The following C14orf132 variants were observed in gnomAD, a reference collection of about 807,000 sequenced individuals.
The protein encoded by C14orf132 is uncharacterized protein C14orf132.
In C14orf132, 6 loss-of-function variants were observed where a neutral mutation model predicts 5.8. The observed-to-expected ratio is 1.03, with a 90% CI of 0.57 to 2.04. The LOEUF (loss-of-function observed/expected upper bound fraction) is 2.04. C14orf132 is among the 30% of genes most tolerant of loss of function. The pLI is 0.00. For missense variants in C14orf132, 125 were observed against 115.8 expected (o/e 1.08, Z -0.37); for synonymous variants, 51 against 49.8 (o/e 1.02, Z -0.10).
chr14:96,064,856 A>T (rs1030726148), intron 1 of C14orf132, among the ~76,000 whole-genome samples: 10 of 152,126 alleles, frequency 6.6e-5, no homozygotes, highest in African/African-American at 2.4e-4. Flanking sequence ...TAAAAAAGTC[A>T]CGTCCTCATC....
chr14:96,049,409 C>T (rs1293324939), intron 1 of C14orf132, among the ~76,000 whole-genome samples: 3 of 149,068 alleles, frequency 2.0e-5, no homozygotes, highest in Middle Eastern at 3.2e-3. Context: ...GGCTTGATCT[C>T]GGCTCACTGC....
chr14:96,080,841 T>C (rs1391448885), intron 1 of C14orf132, among the ~76,000 whole-genome samples: 1 of 152,186 alleles, frequency 6.6e-6, no homozygotes, highest in African/African-American at 2.4e-5. Context: ...ACCCCAAGCC[T>C]GGGGCACCCT....
intron 1 of C14orf132, among the ~76,000 whole-genome samples, chr14:96,074,232 G>A: frequency 6.6e-6 from 1 of 152,158 alleles, no homozygotes; most frequent in Admixed American, 6.5e-5. Context: ...TTATTGTTGA[G>A]TTTTCAGTGT....
intron 1 of C14orf132, among the ~76,000 whole-genome samples, chr14:96,054,895 C>T (rs1191879732): frequency 2.0e-5 from 3 of 152,198 alleles, no homozygotes; most frequent in African/African-American, 4.8e-5. Context: ...CAAATCTTGC[C>T]TTGTCTAATG....
At chr14:96,070,596 TCACACACACACACA>T (rs77447486) in intron 1 of C14orf132, among the ~76,000 whole-genome samples, 4 of 142,556 alleles carry the variant, frequency 2.8e-5, no homozygotes, top group African/African-American at 1.0e-4. Flanking sequence ...TCTCTCTCTC[TCACACACACACACA>T]CACACACACA....
intron 1 of C14orf132, among the ~76,000 whole-genome samples, chr14:96,075,214 T>C (rs535312098): frequency 1.3e-5 from 2 of 152,288 alleles, no homozygotes; most frequent in African/African-American, 4.8e-5. Context: ...TGTTTGTTGC[T>C]TGAGTGTGGA....
At position 96,090,541 on chromosome 14, in the gene C14orf132, C is replaced by A; in HGVS notation, c.*3806C>A. 2.2e-6 allele frequency: 1 copy of A among 450,306 alleles called. No individual in the cohort carries two copies. Among genetic ancestry groups the A allele is most frequent in the Non-Finnish European group, 4.5e-6 (1 of 223,080 alleles). The allele number at this position is 450,306 out of a possible 1,614,324, so 27.9% of individuals were successfully genotyped here. On this transcript the variant is annotated 3_prime_UTR_variant, in exon 2 of 2. Coordinates refer to ENST00000555004, the MANE Select transcript of C14orf132 (RefSeq NM_001252507.3). Reference sequence around the variant, plus strand: ...GGACTTGTGCTTCCAGGGACCCAGGCAGGATGATGGCGCAGCTCTTCCTAC... The same window carrying A: ...GGACTTGTGCTTCCAGGGACCCAGGAAGGATGATGGCGCAGCTCTTCCTAC...
Position 96,068,778 on chromosome 14 carries a change from G to T in C14orf132, c.28-17733G>T, listed in dbSNP as rs117746838. On this transcript the variant is annotated intron_variant, in intron 1 of 1. Coordinates refer to ENST00000555004, the MANE Select transcript of C14orf132 (RefSeq NM_001252507.3). The stretch of plus-strand genomic sequence containing the variant: ...GTGCTGAGCACCAGAGGACCGTGAT[G>T]GTTCATTTAAAGTGTCGACTTGGCT... 3.4e-3 allele frequency among the ~76,000 whole-genome samples: 516 copies of T among 152,220 alleles called. 8 individuals carry two copies. In the East Asian group the frequency reaches 0.045, roughly 13 times the overall value.
At position 96,083,111 on chromosome 14, in the gene C14orf132, C is replaced by T. The variant is rs548758120; in HGVS notation, c.28-3400C>T. Among the ~76,000 whole-genome samples, 25 of 152,350 alleles carry T rather than the reference C, an allele frequency of 1.6e-4. 1 individual carries two copies. Among genetic ancestry groups the T allele is most frequent in the East Asian group, 1.9e-4 (1 of 5,186 alleles). On this transcript the variant is annotated intron_variant, in intron 1 of 1. Coordinates refer to ENST00000555004, the MANE Select transcript of C14orf132 (RefSeq NM_001252507.3). ...GGGACTCCCCATGAGGCCTGTCCCACGGCTGGGAGCTCCAGGATTGGGGTT... is the reference window on the plus strand; with the variant it reads ...GGGACTCCCCATGAGGCCTGTCCCATGGCTGGGAGCTCCAGGATTGGGGTT...
chr14:96,075,934 C>T (rs1298680050), intron 1 of C14orf132, among the ~76,000 whole-genome samples: 1 of 152,124 alleles, frequency 6.6e-6, no homozygotes. Flanking sequence ...GGAAGTGTTC[C>T]ATAAAATGAG....
rs1888214256 is a variant in C14orf132, at chr14:96,086,950, A to G, written c.*215A>G. The G allele has an allele frequency of 5.0e-6, 3 of 596,416 alleles. No homozygotes were observed. The African/African-American group carries it at 5.6e-5, about 11-fold the overall frequency. The allele number at this position is 596,416 out of a possible 1,614,324, so 36.9% of individuals were successfully genotyped here. ...ATGGAAGTATGGGCCTCCTGCCCCT[A>G]GAGGCATGACGGGGCAAGGCCTTCA... On this transcript the variant is annotated 3_prime_UTR_variant, in exon 2 of 2. Transcript: ENST00000555004.
At chr14:96,049,938 G>C (rs74693756) in intron 1 of C14orf132, among the ~76,000 whole-genome samples, 1,729 of 151,258 alleles carry the variant, frequency 0.011, 26 homozygotes, top group Admixed American at 0.036. Context: ...AAGCTAATTT[G>C]GATCTTTTAT....
rs1296712292 is a variant in C14orf132 at position 96,091,595 on chromosome 14, C to A, written c.*4860C>A. On this transcript the variant is annotated 3_prime_UTR_variant, in exon 2 of 2. Transcript: ENST00000555004. ...CCGCTTTGCTTCGTCCTGGCAGATGCCCAGTGATTGTCCCCGAGCAAGTGC... is the reference window on the plus strand; with the variant it reads ...CCGCTTTGCTTCGTCCTGGCAGATGACCAGTGATTGTCCCCGAGCAAGTGC... 2 of 154,854 alleles carry A rather than the reference C, an allele frequency of 1.3e-5. No homozygotes were observed. Among genetic ancestry groups the A allele is most frequent in the African/African-American group, 4.8e-5 (2 of 41,458 alleles). The allele number at this position is 154,854 out of a possible 1,614,324, so 9.6% of individuals were successfully genotyped here.
rs920742000 is a variant in C14orf132, at chr14:96,086,845, G to A, written c.*110G>A. ...AGAACCAGGAGTTTTGACCAGGGGC[G>A]GCGGCCGTCCTTCTGGAATTTCTCC... On this transcript the variant is annotated 3_prime_UTR_variant, in exon 2 of 2. Transcript: ENST00000555004. 1.7e-5 allele frequency: 19 copies of A among 1,087,602 alleles called. No individual in the cohort carries two copies. Among genetic ancestry groups the A allele is most frequent in the South Asian group, 4.8e-5 (3 of 62,570 alleles). 67.4% of individuals were successfully genotyped at this position (1,087,602 alleles called of 1,614,324 possible).
In C14orf132 at chr14:96,086,699, CG is replaced by C. The variant is rs1888204075; in HGVS notation, c.217del (p.Val73TrpfsTer22). 2 of 1,536,156 alleles carry C rather than the reference CG, an allele frequency of 1.3e-6. No individual in the cohort carries two copies. Among genetic ancestry groups the C allele is most frequent in the Non-Finnish European group, 1.7e-6 (2 of 1,146,912 alleles). Reference protein sequence around the residue: ...IAIIATLGNIVVVGVVYAFTF With the variant: ...IAIIATLGNIXVVGVVYAFTF ...CCATCATAGCTACGCTGGGGAACAT[CG>C]TGGTGGTGGGCGTGGTGTATGCCTT... On this transcript the variant is annotated frameshift_variant, in exon 2 of 2. Coordinates refer to ENST00000555004, the MANE Select transcript of C14orf132 (RefSeq NM_001252507.3). LOFTEE classifies it high-confidence loss of function.
At chr14:96,041,362 A>G (rs1407296099) in intron 1 of C14orf132, among the ~76,000 whole-genome samples, 2 of 152,228 alleles carry the variant, frequency 1.3e-5, no homozygotes, top group African/African-American at 4.8e-5. Flanking sequence ...GCCCAAGAGC[A>G]TGCCATTTGC....
chr14:96,064,751 TCTCA>T (rs1389826764), intron 1 of C14orf132, among the ~76,000 whole-genome samples: 2 of 151,566 alleles, frequency 1.3e-5, no homozygotes, highest in African/African-American at 2.4e-5. Flanking sequence ...TGCACCAAAA[TCTCA>T]CAAATCACCA....
At chr14:96,051,193 G>T in intron 1 of C14orf132, 1 of 398,672 alleles carries the variant, frequency 2.5e-6, no homozygotes. Context: ...CTCCTTTCCA[G>T]TCTGCCGTTG....
In C14orf132 at chr14:96,090,392, A is replaced by G. The variant is rs1184029456; in HGVS notation, c.*3657A>G. The G allele has an allele frequency of 1.0e-5, 2 of 197,436 alleles. No individual in the cohort carries two copies. The highest frequency in any genetic ancestry group is 2.1e-3 in the Middle Eastern group (1 of 476). 12.2% of individuals were successfully genotyped at this position (197,436 alleles called of 1,614,324 possible). A position where few individuals can be genotyped will look rare whatever the true frequency, so the allele number is the denominator to read the frequency against. The stretch of plus-strand genomic sequence containing the variant: ...GGCAACAGAACGAGACTCTGTCTCA[A>G]AAAAAAAAAAAAAGAAAAGAAAAAA... On this transcript the variant is annotated 3_prime_UTR_variant, in exon 2 of 2. Transcript: ENST00000555004.
Sources: gnomAD v4.1 joint callset for allele counts (sites outside exome capture counted in the v4.1 genomes callset) on GRCh38, gnomAD v4.1.1 for gene constraint, MANE v1.5 for transcripts, NCBI Gene and HGNC (gene_info 2026-07-23, HGNC 2026-07-21) for gene names.